Variants in CPQ observed in about 807,000 individuals in gnomAD.
CPQ encodes the protein Ser-Met dipeptidase.
CPQ carries 37 observed loss-of-function variants against 45.7 expected under a neutral mutation model. The ratio of observed to expected loss-of-function variants is 0.81; its 90% CI spans 0.62 to 1.07. The LOEUF is 1.07. Among genes scored for constraint, CPQ ranks in the 50% least tolerant of loss-of-function variants. CPQ has a pLI of 0.00. For synonymous variants in CPQ, 186 were observed against 205.8 expected (o/e 0.90, Z 0.82); for missense variants, 537 against 572.9 (o/e 0.94, Z 0.64).
chr8:96,776,615 G>A (rs1586395955), intron 1 of CPQ, among the ~76,000 whole-genome samples: 2 of 152,096 alleles, frequency 1.3e-5, no homozygotes, highest in South Asian at 2.1e-4. Context: ...GCTTTGTTTT[G>A]TTTCCTCGAA....
chr8:96,825,678 A>G (rs1445696574), intron 2 of CPQ, among the ~76,000 whole-genome samples: 1 of 152,082 alleles, frequency 6.6e-6, no homozygotes, highest in African/African-American at 2.4e-5. Flanking sequence ...TCTTCTAGTG[A>G]CAAATTATGT....
At chr8:96,887,120 C>T (rs966027270) in intron 4 of CPQ, among the ~76,000 whole-genome samples, 1 of 152,158 alleles carries the variant, frequency 6.6e-6, no homozygotes, top group Non-Finnish European at 1.5e-5. Flanking sequence ...CCTCTTTTCA[C>T]ACCCCTTCAC....
At chr8:96,672,125 A>C (rs1051912220) in intron 1 of CPQ, among the ~76,000 whole-genome samples, 2 of 152,146 alleles carry the variant, frequency 1.3e-5, no homozygotes, top group African/African-American at 2.4e-5. Context: ...GGCAAAAATA[A>C]AGCTTCATGG....
chr8:96,956,212 A>G (rs921379566), intron 4 of CPQ, among the ~76,000 whole-genome samples: 3 of 152,130 alleles, frequency 2.0e-5, no homozygotes, highest in African/African-American at 7.2e-5. Flanking sequence ...AGTCTAAGCT[A>G]ATTTTTATTT....
At chr8:96,656,783 C>G (rs1457692230) in intron 1 of CPQ, among the ~76,000 whole-genome samples, 1 of 152,154 alleles carries the variant, frequency 6.6e-6, no homozygotes, top group African/African-American at 2.4e-5. Flanking sequence ...TGCAAGTGAG[C>G]CATACCATTG....
chr8:97,008,546 T>C (rs1183680058), intron 5 of CPQ, among the ~76,000 whole-genome samples: 2 of 152,168 alleles, frequency 1.3e-5, no homozygotes, highest in Non-Finnish European at 1.5e-5. Context: ...CAGGTTCTCA[T>C]AGGACTAATC....
Position 96,985,943 on chromosome 8 carries a change from A to G in CPQ, c.961+19897A>G, listed in dbSNP as rs143427008. ...TCACCCATAAAGATATAATTTTTCT[A>G]TGTTTTTTAGAATACTTGAAACTGG... On this transcript the variant is annotated intron_variant, in intron 5 of 7. Transcript: ENST00000220763. Among the ~76,000 whole-genome samples, 22 of 152,316 alleles carry G rather than the reference A, an allele frequency of 1.4e-4. No individual in the cohort carries two copies. In the East Asian group the frequency reaches 3.5e-3, roughly 24 times the overall value.
At chr8:96,668,278 C>G (rs1332254334) in intron 1 of CPQ, among the ~76,000 whole-genome samples, 1 of 152,208 alleles carries the variant, frequency 6.6e-6, no homozygotes, top group African/African-American at 2.4e-5. Flanking sequence ...CCACACTGTG[C>G]AAGTTACCAT....
chr8:96,707,344 A>C (rs1022220330), intron 1 of CPQ, among the ~76,000 whole-genome samples: 5 of 152,156 alleles, frequency 3.3e-5, no homozygotes, highest in African/African-American at 9.7e-5. Flanking sequence ...ACTTAGTCAC[A>C]TGTGGATAGG....
chr8:96,841,889 T>C (rs1811616965), intron 3 of CPQ, among the ~76,000 whole-genome samples: 1 of 151,994 alleles, frequency 6.6e-6, no homozygotes, highest in Admixed American at 6.6e-5. Context: ...CATAAATCAA[T>C]CTCTATAATG....
chr8:96,705,049 A>T (rs1286012419), intron 1 of CPQ, among the ~76,000 whole-genome samples: 1 of 152,178 alleles, frequency 6.6e-6, no homozygotes, highest in African/African-American at 2.4e-5. Flanking sequence ...CATTCAGGCT[A>T]ATCTTTGAGG....
intron 4 of CPQ, among the ~76,000 whole-genome samples, chr8:96,896,874 CTAAAA>C (rs1812449384): frequency 6.6e-6 from 1 of 152,092 alleles, no homozygotes; most frequent in Non-Finnish European, 1.5e-5. Flanking sequence ...AAGCTAATGA[CTAAAA>C]TAAAATGGTT....
chr8:96,734,760 TA>T (rs1187152157), intron 1 of CPQ, among the ~76,000 whole-genome samples: 1 of 151,114 alleles, frequency 6.6e-6, no homozygotes, highest in Non-Finnish European at 1.5e-5. Flanking sequence ...TAAAATAAAA[TA>T]AAAAAATAAA....
At chr8:96,750,536 C>G (rs1415684843) in intron 1 of CPQ, among the ~76,000 whole-genome samples, 1 of 150,702 alleles carries the variant, frequency 6.6e-6, no homozygotes, top group Non-Finnish European at 1.5e-5. Flanking sequence ...CATTCATCTT[C>G]CACTGGAACT....
At chr8:96,711,213 AC>A (rs1809604883) in intron 1 of CPQ, among the ~76,000 whole-genome samples, 1 of 151,918 alleles carries the variant, frequency 6.6e-6, no homozygotes. Flanking sequence ...GTTTATTAGA[AC>A]CCTTACATTT....
At chr8:97,049,406 A>G (rs1313089574) in intron 6 of CPQ, among the ~76,000 whole-genome samples, 1 of 152,204 alleles carries the variant, frequency 6.6e-6, no homozygotes, top group Admixed American at 6.5e-5. Context: ...CTTTTCTTAA[A>G]TGTGGTTCAA....
chr8:96,651,223 T>A (rs1184377197), intron 1 of CPQ, among the ~76,000 whole-genome samples: 1 of 152,120 alleles, frequency 6.6e-6, no homozygotes, highest in Non-Finnish European at 1.5e-5. Context: ...AGCTGGGAAA[T>A]GGAGAGAGAA....
chr8:97,058,408 A>G (rs1403541576), intron 6 of CPQ, among the ~76,000 whole-genome samples: 2 of 152,184 alleles, frequency 1.3e-5, no homozygotes, highest in Admixed American at 6.6e-5. Context: ...AGAAAGCACT[A>G]TCTTGGCTGG....
intron 7 of CPQ, among the ~76,000 whole-genome samples, chr8:97,101,426 CTA>C (rs144327113): frequency 2.8e-4 from 42 of 148,654 alleles, no homozygotes; most frequent in South Asian, 6.4e-4. Context: ...TTCTGCCGTA[CTA>C]TATATATATA....
Sources: allele counts gnomAD v4.1 joint callset (sites outside exome capture counted in the v4.1 genomes callset), GRCh38; gene constraint gnomAD v4.1.1; transcripts MANE v1.5; gene names NCBI Gene and HGNC (gene_info 2026-07-23, HGNC 2026-07-21).